DPH7: variants seen among roughly 807,000 people sequenced by gnomAD.
DPH7 encodes diphthine methyltransferase.
Under a neutral mutation model 41.7 loss-of-function variants are expected in DPH7, and 44 were observed. That is an observed-to-expected ratio of 1.05 (90% CI 0.83 to 1.36). DPH7 has a LOEUF of 1.36. Ranked by LOEUF, DPH7 falls within the 40% of genes most tolerant of loss-of-function variation. The probability of loss-of-function intolerance (pLI) is 0.00; values close to 1 mark genes in which losing one functional copy is unlikely to be tolerated. For missense variants in DPH7, 629 were observed against 577.5 expected, an observed-to-expected ratio of 1.09 and a Z score of -0.91; for synonymous variants, 275 against 238.0, an observed-to-expected ratio of 1.16 and a Z score of -1.43.
At position 137,577,321 on chromosome 9, in the gene DPH7, A is replaced by G. The variant is rs536668939; in HGVS notation, c.287+149T>C. Reference sequence around the variant, plus strand: ...AAAGGAAATAAGCCCCAGGTAAAGCACTCCCCAGGTGGAAGATAGGCGGGA... The same window carrying G: ...AAAGGAAATAAGCCCCAGGTAAAGCGCTCCCCAGGTGGAAGATAGGCGGGA... On this transcript the variant is annotated intron_variant, in intron 2 of 8. Coordinates refer to ENST00000277540, the MANE Select transcript of DPH7 (RefSeq NM_138778.5). 3.1e-4 allele frequency: 238 copies of G among 777,982 alleles called. No homozygotes were observed. The East Asian group carries it at 5.6e-3, about 18-fold the overall frequency. The allele number at this position is 777,982 out of a possible 1,614,324, so 48.2% of individuals were successfully genotyped here.
chr9:137,560,629 C>T (rs954498071), intron 8 of DPH7, among the ~76,000 whole-genome samples: 2 of 151,934 alleles, frequency 1.3e-5, no homozygotes, highest in East Asian at 3.9e-4. Flanking sequence ...CCGAGGCGGG[C>T]GGATCACGAG....
chr9:137,556,907 C>T lies in DPH7; in HGVS notation c.950-1259G>A, dbSNP rs778445059. 10 of 456,142 alleles carry T rather than the reference C, an allele frequency of 2.2e-5. No homozygotes were observed. Among genetic ancestry groups the T allele is most frequent in the South Asian group, 9.3e-5 (6 of 64,536 alleles). 28.3% of individuals were successfully genotyped at this position (456,142 alleles called of 1,614,324 possible). The stretch of plus-strand genomic sequence containing the variant: ...AATGAGTGGACGGAAGACACTGTTG[C>T]GACCCCAAGAATGGGAGGCCCTTTC... On this transcript the variant is annotated intron_variant, in intron 8 of 8. Coordinates refer to ENST00000277540, the MANE Select transcript of DPH7 (RefSeq NM_138778.5). The surrounding 1 kb of genome is among the most constrained non-coding windows in gnomAD (Gnocchi z 5.2).
chr9:137,577,758 C>T (rs1009638151), intron 1 of DPH7, among the ~76,000 whole-genome samples, 155 bp from the exon 2 acceptor site: 5 of 152,154 alleles, frequency 3.3e-5, no homozygotes, highest in African/African-American at 1.2e-4. Context: ...GCTGGAGAAA[C>T]GTCTATTAAT....
intron 8 of DPH7, among the ~76,000 whole-genome samples, chr9:137,559,523 C>T (rs925519918): frequency 1.7e-4 from 26 of 152,310 alleles, no homozygotes; most frequent in Non-Finnish European, 2.4e-4. Flanking sequence ...ACCGTCTCCC[C>T]GTGATGCTGT....
intron 8 of DPH7, among the ~76,000 whole-genome samples, chr9:137,563,022 G>A (rs1004901924): frequency 6.7e-6 from 1 of 149,040 alleles, no homozygotes; most frequent in Non-Finnish European, 1.5e-5. Context: ...CTTGGCATGG[G>A]GGTCCCAGCT....
chr9:137,577,405 C>G, intron 2 of DPH7, 65 bp downstream of exon 2: 2 of 1,493,350 alleles, frequency 1.3e-6, no homozygotes, highest in Non-Finnish European at 1.9e-6. Flanking sequence ...AGGCATCAGG[C>G]ATCAGGCTTC....
rs572141126 is a variant in DPH7, at chr9:137,577,282, G to A, written c.287+188C>T. ...GTCAGAAAACTCCCATCACTTCCCC[G>A]GCTGGAACATGACAAAGGAAATAAG... On this transcript the variant is annotated intron_variant, in intron 2 of 8. Coordinates refer to ENST00000277540, the MANE Select transcript of DPH7 (RefSeq NM_138778.5). 3.3e-5 allele frequency among the ~76,000 whole-genome samples: 5 copies of A among 152,214 alleles called. No homozygotes were observed. The South Asian group carries it at 6.2e-4, about 19-fold the overall frequency.
intron 8 of DPH7, among the ~76,000 whole-genome samples, chr9:137,561,778 A>C (rs1160468525): frequency 6.6e-6 from 1 of 152,216 alleles, no homozygotes; most frequent in Non-Finnish European, 1.5e-5. Flanking sequence ...TATAAAAGAG[A>C]TCCCCAAAAT....
At chr9:137,562,219 C>A (rs1330843830) in intron 8 of DPH7, among the ~76,000 whole-genome samples, 1 of 152,038 alleles carries the variant, frequency 6.6e-6, no homozygotes, top group Non-Finnish European at 1.5e-5. Flanking sequence ...ACCAGAAGAT[C>A]TGAACATTAT....
At chr9:137,563,654 G>A (rs927011148) in intron 8 of DPH7, among the ~76,000 whole-genome samples, 17 of 152,174 alleles carry the variant, frequency 1.1e-4, no homozygotes, top group Admixed American at 3.9e-4. Flanking sequence ...CCGCTGCAGA[G>A]GGCAGAGAGC....
At chr9:137,564,663 C>T (rs1839250653) in intron 7 of DPH7, 57 bp from the exon 8 acceptor site, 10 of 1,580,376 alleles carry the variant, frequency 6.3e-6, no homozygotes, top group South Asian at 1.1e-5. Context: ...ACCTGTTCCA[C>T]AAGGCCCCTG....
rs759131414 is a variant in DPH7 at position 137,555,419 on chromosome 9, C to A, written c.1179G>T (p.Gln393His). The change falls in exon 9 of 9, where the codon CAG becomes CAT. Residue 393 changes from glutamine to histidine, a missense_variant. Physicochemically the swap from Gln to His is conservative, Grantham distance 24 (BLOSUM62 0). Transcript: ENST00000277540. ...DNDGEGHARPQSGMKPLTEGM... is the reference protein window; with the variant it reads ...DNDGEGHARPHSGMKPLTEGM... Reference sequence around the variant, plus strand: ...CCTCTGTGAGTGGCTTCATTCCACTCTGGGGTCTGGCATGGCCCTCCCCAT... The same window carrying A: ...CCTCTGTGAGTGGCTTCATTCCACTATGGGGTCTGGCATGGCCCTCCCCAT... The A allele has an allele frequency of 5.0e-6, 8 of 1,614,030 alleles. No individual in the cohort carries two copies. The highest frequency in any genetic ancestry group is 6.8e-6 in the Non-Finnish European group (8 of 1,180,008).
At position 137,556,914 on chromosome 9, in the gene DPH7, A is replaced by C; in HGVS notation, c.950-1266T>G. 3 of 456,148 alleles carry C rather than the reference A, an allele frequency of 6.6e-6. No individual in the cohort carries two copies. Among genetic ancestry groups the C allele is most frequent in the South Asian group, 4.6e-5 (3 of 64,540 alleles). 28.3% of individuals were successfully genotyped at this position (456,148 alleles called of 1,614,324 possible). On this transcript the variant is annotated intron_variant, in intron 8 of 8. Transcript: ENST00000277540. This position sits in a 1 kb window ranked among gnomAD's most constrained non-coding sequence, Gnocchi z 5.2. ...GGACGGAAGACACTGTTGCGACCCCAAGAATGGGAGGCCCTTTCTGATTAG... is the reference window on the plus strand; with the variant it reads ...GGACGGAAGACACTGTTGCGACCCCCAGAATGGGAGGCCCTTTCTGATTAG...
At chr9:137,573,274 T>C (rs2133154275) in intron 5 of DPH7, among the ~76,000 whole-genome samples, 1 of 138,830 alleles carries the variant, frequency 7.2e-6, no homozygotes, top group South Asian at 2.3e-4. Context: ...GGCAGGAGAA[T>C]GGCGTGAACC....
chr9:137,576,341 GC>G, intron 2 of DPH7, 174 bp from the exon 3 acceptor site: 1 of 597,448 alleles, frequency 1.7e-6, no homozygotes, highest in Non-Finnish European at 3.0e-6. Flanking sequence ...CTGCTCCTAT[GC>G]CACAAACCTT....
At chr9:137,558,938 G>A (rs992729570) in intron 8 of DPH7, among the ~76,000 whole-genome samples, 2 of 152,146 alleles carry the variant, frequency 1.3e-5, no homozygotes, top group Non-Finnish European at 2.9e-5. Context: ...TTACAGGCGT[G>A]AGACACTGCG....
intron 7 of DPH7, 58 bp from the exon 8 acceptor site, chr9:137,564,664 A>G (rs1001641887): frequency 6.3e-7 from 1 of 1,579,822 alleles, no homozygotes; most frequent in Non-Finnish European, 8.6e-7. Flanking sequence ...CCTGTTCCAC[A>G]AGGCCCCTGG....
In DPH7 at chr9:137,574,663, C is replaced by T. The variant is rs1227581671; in HGVS notation, c.467+89G>A. ...AGGGCTGAGGAGCACAGTCGCAGCT[C>T]GCTGAAGGTGGCTGGAGCCCTCTAG... On this transcript the variant is annotated intron_variant, in intron 4 of 8. Transcript: ENST00000277540. The T allele has an allele frequency of 3.1e-5, 39 of 1,275,150 alleles. No homozygotes were observed. In the South Asian group the frequency reaches 3.9e-4, roughly 13 times the overall value. 79.0% of individuals were successfully genotyped at this position (1,275,150 alleles called of 1,614,324 possible).
intron 5 of DPH7, among the ~76,000 whole-genome samples, chr9:137,570,433 C>T (rs1037809619): frequency 6.6e-6 from 1 of 152,242 alleles, no homozygotes; most frequent in Non-Finnish European, 1.5e-5. Context: ...AACCCAACCA[C>T]TGGTCCTCAC....
Sources: gnomAD v4.1 joint callset for allele counts (sites outside exome capture counted in the v4.1 genomes callset) on GRCh38, gnomAD v4.1.1 for gene constraint, Gnocchi (gnomAD v3.1) non-coding constraint, MANE v1.5 for transcripts, NCBI Gene and HGNC (gene_info 2026-07-23, HGNC 2026-07-21) for gene names.